Variants in MAPKAP1 observed in about 807,000 individuals in gnomAD.
The protein encoded by MAPKAP1 is target of rapamycin complex 2 subunit MAPKAP1.
In MAPKAP1, 20 loss-of-function variants were observed where a neutral mutation model predicts 65.7. The ratio of observed to expected loss-of-function variants is 0.30; its 90% confidence interval spans 0.21 to 0.44. The LOEUF (loss-of-function observed/expected upper bound fraction) is 0.44, where lower values mean the gene tolerates loss of function less well. MAPKAP1 is among the 20% of genes least tolerant of loss of function. The probability of loss-of-function intolerance (pLI) is 1.00; values close to 1 mark genes in which losing one functional copy is unlikely to be tolerated. For synonymous variants in MAPKAP1, 222 were observed against 244.3 expected (o/e 0.91, Z 0.85); for missense variants, 423 against 648.0 (o/e 0.65, Z 3.77).
intron 4 of MAPKAP1, among the ~76,000 whole-genome samples, chr9:125,609,419 C>T (rs1408056575): frequency 1.3e-5 from 2 of 152,210 alleles, no homozygotes; most frequent in African/African-American, 2.4e-5. Context: ...ATCCCACTCT[C>T]GGAATGCTAA....
At chr9:125,592,771 T>C (rs1025231905) in intron 4 of MAPKAP1, among the ~76,000 whole-genome samples, 3 of 151,232 alleles carry the variant, frequency 2.0e-5, no homozygotes, top group Non-Finnish European at 4.4e-5. Flanking sequence ...GGCGTGGTGG[T>C]AGGCACCTGT....
chr9:125,577,419 C>T (rs968721074), intron 5 of MAPKAP1, among the ~76,000 whole-genome samples: 1 of 148,676 alleles, frequency 6.7e-6, no homozygotes, highest in African/African-American at 2.5e-5. Flanking sequence ...GCCAGCCTCC[C>T]CGTCCGGGAG....
chr9:125,536,585 T>TATTCATTC (rs6151178), intron 7 of MAPKAP1, among the ~76,000 whole-genome samples: 73,882 of 151,588 alleles, frequency 0.49, 18,688 homozygotes, highest in East Asian at 0.65. Context: ...ATTTTCCATT[T>TATTCATTC]ATTCATTCAT....
intron 8 of MAPKAP1, among the ~76,000 whole-genome samples, chr9:125,503,443 C>T (rs1829042632): frequency 1.3e-5 from 2 of 152,160 alleles, no homozygotes; most frequent in African/African-American, 4.8e-5. Flanking sequence ...CAGACATGGC[C>T]ATTGATTCTT....
chr9:125,479,536 T>C (rs1273470647), intron 9 of MAPKAP1, among the ~76,000 whole-genome samples: 3 of 149,274 alleles, frequency 2.0e-5, no homozygotes, highest in South Asian at 4.2e-4. Context: ...GCCGAGACTG[T>C]ACCATTGCAC....
At chr9:125,592,772 A>G (rs952479023) in intron 4 of MAPKAP1, among the ~76,000 whole-genome samples, 4 of 151,846 alleles carry the variant, frequency 2.6e-5, no homozygotes, top group Non-Finnish European at 4.4e-5. Context: ...GCGTGGTGGT[A>G]GGCACCTGTA....
Position 125,488,635 on chromosome 9 carries a change from C to T in MAPKAP1, c.1067-4052G>A, listed in dbSNP as rs111631314. On this transcript the variant is annotated intron_variant, in intron 8 of 11. Coordinates refer to ENST00000265960, the MANE Select transcript of MAPKAP1 (RefSeq NM_001006617.3). ...TGCTGGGATTACAGGCGTGAGCCAC[C>T]GTGCCCAGCCTCCAGTGTCATTTCT... 3.1e-3 allele frequency among the ~76,000 whole-genome samples: 472 copies of T among 152,288 alleles called. 2 individuals are homozygous for T. Among genetic ancestry groups the T allele is most frequent in the African/African-American group, 0.011 (437 of 41,550 alleles).
chr9:125,603,082 T>C (rs28428920), intron 4 of MAPKAP1, among the ~76,000 whole-genome samples: 3 of 144,572 alleles, frequency 2.1e-5, no homozygotes, highest in African/African-American at 8.0e-5. Flanking sequence ...TTCTTTCTTT[T>C]TTTTTTATAG....
intron 9 of MAPKAP1, chr9:125,471,227 G>A (rs7018948): frequency 0.31 from 47,027 of 152,250 alleles, 7,382 homozygotes; most frequent in South Asian, 0.35. Context: ...CCCGGGAAGA[G>A]TGCACACCTA....
At chr9:125,633,698 T>C (rs372807034) in intron 4 of MAPKAP1, among the ~76,000 whole-genome samples, 2 of 152,224 alleles carry the variant, frequency 1.3e-5, no homozygotes, top group Non-Finnish European at 1.5e-5. Context: ...CTAATTCATA[T>C]AGAATATGAA....
intron 8 of MAPKAP1, among the ~76,000 whole-genome samples, chr9:125,493,489 G>A (rs1854813945): frequency 6.6e-6 from 1 of 152,202 alleles, no homozygotes; most frequent in African/African-American, 2.4e-5. Context: ...CAAAGCACAT[G>A]GTCACACAGT....
rs146183452 is a variant in MAPKAP1 at position 125,446,452 on chromosome 9, A to G, written c.1346-1854T>C. Among the ~76,000 whole-genome samples, 16 of 152,288 alleles carry G rather than the reference A, an allele frequency of 1.1e-4. 1 individual carries two copies. Among genetic ancestry groups the G allele is most frequent in the African/African-American group, 3.4e-4 (14 of 41,542 alleles). ...TGTTTCTAATAAGGAGGTGGACCTT[A>G]CACAGAGGCATCTGTGTGTGCGTCT... On this transcript the variant is annotated intron_variant, in intron 10 of 11. Coordinates refer to ENST00000265960, the MANE Select transcript of MAPKAP1 (RefSeq NM_001006617.3).
intron 10 of MAPKAP1, among the ~76,000 whole-genome samples, chr9:125,445,639 C>T (rs1381370209): frequency 6.6e-6 from 1 of 152,270 alleles, no homozygotes; most frequent in Non-Finnish European, 1.5e-5. Context: ...ATCGGATTCC[C>T]TCTTCTAAAT....
chr9:125,558,870 TCA>T (rs1194273503), intron 6 of MAPKAP1, among the ~76,000 whole-genome samples: 14 of 152,226 alleles, frequency 9.2e-5, no homozygotes, highest in Admixed American at 3.9e-4. Context: ...AGGCAAACAA[TCA>T]CAGCAGAATC....
intron 6 of MAPKAP1, among the ~76,000 whole-genome samples, chr9:125,548,473 G>A (rs1830493623): frequency 6.6e-6 from 1 of 152,198 alleles, no homozygotes; most frequent in African/African-American, 2.4e-5. Context: ...AGGCAGCAGA[G>A]CACAGTAAGC....
chr9:125,445,324 C>T (rs1265549842), intron 10 of MAPKAP1, among the ~76,000 whole-genome samples: 4 of 152,244 alleles, frequency 2.6e-5, no homozygotes, highest in Admixed American at 6.5e-5. Context: ...TCCGCTGCCC[C>T]GACAGGCCAC....
intron 4 of MAPKAP1, among the ~76,000 whole-genome samples, chr9:125,648,972 T>A (rs1255753686): frequency 6.6e-6 from 1 of 151,908 alleles, no homozygotes; most frequent in Non-Finnish European, 1.5e-5. Context: ...AAAATAAGAA[T>A]CTCTGAGAAT....
intron 4 of MAPKAP1, among the ~76,000 whole-genome samples, chr9:125,598,755 T>C (rs1832213674): frequency 6.6e-6 from 1 of 152,114 alleles, no homozygotes; most frequent in Non-Finnish European, 1.5e-5. Context: ...AATAAGACTG[T>C]ACGGGCCGGC....
chr9:125,528,962 C>T (rs560933720), intron 7 of MAPKAP1, among the ~76,000 whole-genome samples: 2 of 151,150 alleles, frequency 1.3e-5, no homozygotes, highest in African/African-American at 4.9e-5. Context: ...GTCAGGAGTT[C>T]GAGACCGGCC....
Sources: allele counts gnomAD v4.1 joint callset (sites outside exome capture counted in the v4.1 genomes callset), GRCh38; gene constraint gnomAD v4.1.1; transcripts MANE v1.5; gene names NCBI Gene and HGNC (gene_info 2026-07-23, HGNC 2026-07-21).